Variants in DMD observed in about 807,000 individuals in gnomAD.
DMD encodes mutant dystrophin.
DMD carries 63 observed loss-of-function variants against 330.1 expected under a neutral mutation model. The observed-to-expected ratio is 0.19, with a 90% CI of 0.16 to 0.24. The LOEUF (loss-of-function observed/expected upper bound fraction) is 0.24. DMD is among the 10% of genes least tolerant of loss of function. The pLI is 1.00. For missense variants in DMD, 3,344 were observed against 2,684.1 expected (o/e 1.25, Z -5.43); for synonymous variants, 1,223 against 959.8 (o/e 1.27, Z -5.07).
At position 32,452,455 on chromosome X, in the gene DMD, GGAAA is replaced by G. The variant is rs1569563190; in HGVS notation, c.3603+2203_3603+2206del. Among the ~76,000 whole-genome samples, 20 of 8,923 alleles carry G rather than the reference GGAAA, an allele frequency of 2.2e-3. 4 individuals carry two copies. The highest frequency in any genetic ancestry group is 7.2e-3 in the Admixed American group (3 of 418). 7.7% of individuals were successfully genotyped at this position (8,923 alleles called of 115,157 possible). A position where few individuals can be genotyped will look rare whatever the true frequency, so the allele number is the denominator to read the frequency against. On this transcript the variant is annotated intron_variant, in intron 26 of 78. Transcript: ENST00000357033. ...AAAGGGAAAGGGAAAGGAAAGGAAA[GGAAA>G]GGAAAGGAAAGGAAAGGAAAGGAAA...
chrX:32,980,194 C>T (rs187153437), intron 2 of DMD, among the ~76,000 whole-genome samples: 142 of 107,507 alleles, frequency 1.3e-3, no homozygotes, highest in African/African-American at 4.4e-3. Context: ...GGTGAAACTC[C>T]GTCTCTACTA....
At chrX:32,876,428 T>C (rs148528687) in intron 2 of DMD, among the ~76,000 whole-genome samples, 1,821 of 112,009 alleles carry the variant, frequency 0.016, 32 homozygotes, top group African/African-American at 0.057. Context: ...TGCCCCCTAG[T>C]GCTTTCTTAT....
intron 16 of DMD, among the ~76,000 whole-genome samples, chrX:32,559,437 G>A (rs886530018): frequency 3.1e-4 from 35 of 111,319 alleles, no homozygotes; most frequent in South Asian, 3.0e-3. Flanking sequence ...CTTACTAGTC[G>A]TGGAGAGCTT....
chrX:31,429,743 T>C (rs1162788997), intron 60 of DMD, among the ~76,000 whole-genome samples: 2 of 100,007 alleles, frequency 2.0e-5, no homozygotes, highest in Non-Finnish European at 3.9e-5. Flanking sequence ...GGAGACATGA[T>C]TCACAGGGAG....
chrX:32,870,980 A>AAAAAAAAAAAAAAAAAAAAAG (rs770375159), intron 2 of DMD, among the ~76,000 whole-genome samples: 8 of 37,232 alleles, frequency 2.1e-4, no homozygotes, highest in African/African-American at 4.7e-4. Context: ...AAAAAAAAAA[A>AAAAAAAAAAAAAAAAAAAAAG]AAAAAAAACC....
At chrX:32,735,321 G>A (rs200125448) in intron 7 of DMD, among the ~76,000 whole-genome samples, 1,602 of 110,257 alleles carry the variant, frequency 0.015, 24 homozygotes, top group Admixed American at 0.032. Context: ...AATCAATATC[G>A]TGAAAATGGC....
At chrX:32,354,905 T>C (rs1362608493) in intron 37 of DMD, among the ~76,000 whole-genome samples, 1 of 111,588 alleles carries the variant, frequency 9.0e-6, no homozygotes, top group African/African-American at 3.2e-5. Context: ...CTTAGAATAT[T>C]GCCCTATTTC....
intron 76 of DMD, among the ~76,000 whole-genome samples, chrX:31,139,445 G>T (rs949559136): frequency 3.8e-5 from 4 of 104,521 alleles, no homozygotes; most frequent in Non-Finnish European, 5.8e-5. Flanking sequence ...AGTGGATAAA[G>T]AAAATGCAGT....
chrX:31,414,877 C>T (rs191880634), intron 60 of DMD, among the ~76,000 whole-genome samples: 96 of 112,287 alleles, frequency 8.5e-4, no homozygotes, highest in Admixed American at 2.3e-3. Context: ...CTCTTTATAT[C>T]TAAGGTGCTG....
At chrX:32,930,684 C>T (rs370651178) in intron 2 of DMD, among the ~76,000 whole-genome samples, 1 of 110,163 alleles carries the variant, frequency 9.1e-6, no homozygotes, top group East Asian at 2.8e-4. Context: ...TTGGTCCCTC[C>T]CTCCTGGAAT....
chrX:31,356,025 G>A, intron 60 of DMD, among the ~76,000 whole-genome samples: 1 of 111,438 alleles, frequency 9.0e-6, no homozygotes, highest in Non-Finnish European at 1.9e-5. Context: ...AACAACCTGG[G>A]CTTGTTGAAT....
At chrX:32,200,614 A>G (rs776627123) in intron 44 of DMD, among the ~76,000 whole-genome samples, 2 of 112,309 alleles carry the variant, frequency 1.8e-5, no homozygotes, top group South Asian at 7.3e-4. Context: ...ACACACATAT[A>G]TAATTTGAAA....
chrX:32,643,009 A>G (rs2059566425), intron 11 of DMD, among the ~76,000 whole-genome samples: 1 of 111,546 alleles, frequency 9.0e-6, no homozygotes, highest in Non-Finnish European at 1.9e-5. Context: ...CTTAATATCG[A>G]TAATAGATGG....
chrX:31,165,791 A>T (rs1270784357), intron 74 of DMD, among the ~76,000 whole-genome samples: 2 of 112,075 alleles, frequency 1.8e-5, no homozygotes, highest in African/African-American at 6.5e-5. Context: ...AATATTAAAG[A>T]TTAGATATCT....
intron 17 of DMD, among the ~76,000 whole-genome samples, chrX:32,530,459 G>C (rs1012907265): frequency 2.7e-5 from 3 of 111,657 alleles, no homozygotes; most frequent in African/African-American, 9.8e-5. Flanking sequence ...ACCTTAATTT[G>C]GTATTAAATC....
At chrX:33,196,425 A>G (rs948990465) in intron 1 of DMD, among the ~76,000 whole-genome samples, 12 of 111,122 alleles carry the variant, frequency 1.1e-4, no homozygotes, top group African/African-American at 3.6e-4. Flanking sequence ...GAGGCACACA[A>G]TCTTATTTGT....
intron 45 of DMD, among the ~76,000 whole-genome samples, chrX:31,953,324 A>G (rs752689301): frequency 2.7e-5 from 3 of 111,879 alleles, no homozygotes; most frequent in African/African-American, 3.3e-5. Flanking sequence ...ATGCTTCTGG[A>G]CATGGAGTTT....
intron 13 of DMD, among the ~76,000 whole-genome samples, chrX:32,592,619 T>C (rs2055047430): frequency 8.9e-6 from 1 of 111,941 alleles, no homozygotes; most frequent in Admixed American, 9.4e-5. Flanking sequence ...TTCCTGGACA[T>C]GGGACAAGAA....
intron 60 of DMD, among the ~76,000 whole-genome samples, chrX:31,355,806 C>T (rs182701049): frequency 6.6e-4 from 72 of 109,330 alleles, no homozygotes; most frequent in Middle Eastern, 4.6e-3. Flanking sequence ...AATGGTAATC[C>T]CTTTCAGTTA....
Sources: gnomAD v4.1 joint callset for allele counts (sites outside exome capture counted in the v4.1 genomes callset) on GRCh38, gnomAD v4.1.1 for gene constraint, MANE v1.5 for transcripts, NCBI Gene and HGNC (gene_info 2026-07-23, HGNC 2026-07-21) for gene names.